CSMD3: variants seen among roughly 807,000 people sequenced by gnomAD.
CSMD3 encodes CUB and Sushi multiple domains 3.
In CSMD3, 177 loss-of-function variants were observed where a neutral mutation model predicts 435.2. The ratio of observed to expected loss-of-function variants is 0.41; its 90% CI spans 0.36 to 0.46. The LOEUF is 0.46. Among genes scored for constraint, CSMD3 ranks in the 20% least tolerant of loss-of-function variants. The probability of loss-of-function intolerance (pLI) is 0.34; values close to 1 mark genes in which losing one functional copy is unlikely to be tolerated. For missense variants in CSMD3, 4,265 were observed against 4,504.6 expected (o/e 0.95, Z 1.52); for synonymous variants, 1,656 against 1,520.5 (o/e 1.09, Z -2.07).
rs2084833260 is a variant in CSMD3 at position 112,975,999 on chromosome 8, G to A, written c.1180C>T (p.Gln394Ter). The A allele has an allele frequency of 1.2e-6, 2 of 1,614,008 alleles. No homozygotes were observed. Among genetic ancestry groups the A allele is most frequent in the Non-Finnish European group, 1.7e-6 (2 of 1,179,936 alleles). Residue 394 changes from glutamine (Q) to a stop codon, truncating the protein, a stop_gained, in exon 7 of 71, where the codon CAG (glutamine) becomes TAG (stop). Coordinates refer to ENST00000297405, the MANE Select transcript of CSMD3 (RefSeq NM_198123.2). LOFTEE classifies it high-confidence loss of function. ...CTGAGACTCGTAACTTGCACTCGCTGTTCCTCGGAAAGTCTATGGATGGTG... is the reference window on the plus strand; with the variant it reads ...CTGAGACTCGTAACTTGCACTCGCTATTCCTCGGAAAGTCTATGGATGGTG... ...AVTIHRLSEE[Q>*]RVQVTSLRNS...
At chr8:112,400,173 G>A (rs1424952691) in intron 35 of CSMD3, among the ~76,000 whole-genome samples, 2 of 152,188 alleles carry the variant, frequency 1.3e-5, no homozygotes, top group African/African-American at 4.8e-5. Flanking sequence ...ATTTCTTATA[G>A]TTGTAAAGGC....
intron 17 of CSMD3, among the ~76,000 whole-genome samples, chr8:112,657,407 G>T (rs2075282869): frequency 1.3e-5 from 2 of 152,098 alleles, no homozygotes. Context: ...AATTACAAAA[G>T]TAGGCATCAA....
At chr8:112,779,923 C>A (rs1453482276) in intron 13 of CSMD3, among the ~76,000 whole-genome samples, 1 of 152,026 alleles carries the variant, frequency 6.6e-6, no homozygotes, top group Non-Finnish European at 1.5e-5. Context: ...CTTCTACTTA[C>A]AGTAAATAAG....
intron 22 of CSMD3, among the ~76,000 whole-genome samples, chr8:112,630,825 A>G (rs1459234008): frequency 6.6e-6 from 1 of 152,016 alleles, no homozygotes; most frequent in Admixed American, 6.6e-5. Context: ...TGTAAAGTCA[A>G]TGTGCTTGTG....
intron 28 of CSMD3, among the ~76,000 whole-genome samples, chr8:112,510,129 G>A (rs371412279): frequency 2.1e-4 from 32 of 152,044 alleles, no homozygotes; most frequent in African/African-American, 6.5e-4. Context: ...ATTTTCAACC[G>A]GTCCTTCTTT....
intron 32 of CSMD3, among the ~76,000 whole-genome samples, chr8:112,430,277 G>C (rs868722179): frequency 1.3e-5 from 2 of 152,022 alleles, no homozygotes; most frequent in African/African-American, 2.4e-5. Flanking sequence ...AACAGATTAA[G>C]TGGGAAAAAA....
chr8:113,191,697 T>C (rs1391335450), intron 3 of CSMD3, among the ~76,000 whole-genome samples: 1 of 151,882 alleles, frequency 6.6e-6, no homozygotes, highest in Non-Finnish European at 1.5e-5. Flanking sequence ...TCTTTCCTAT[T>C]GTGAATAGTG....
rs146250086 is a variant in CSMD3, at chr8:113,081,798, C to T, written c.917+16958G>A. ...CCAGCAGTATAGCTGTAACCTAGCA[C>T]CTCAGACCACATAGTACCCCTATAC... On this transcript the variant is annotated intron_variant, in intron 5 of 70. Coordinates refer to ENST00000297405, the MANE Select transcript of CSMD3 (RefSeq NM_198123.2). Among the ~76,000 whole-genome samples, 212 of 152,242 alleles carry T rather than the reference C, an allele frequency of 1.4e-3. 1 individual carries two copies. Among genetic ancestry groups the T allele is most frequent in the African/African-American group, 5.1e-3 (210 of 41,542 alleles).
intron 16 of CSMD3, among the ~76,000 whole-genome samples, chr8:112,672,451 G>C (rs2075680394): frequency 6.6e-6 from 1 of 152,014 alleles, no homozygotes; most frequent in African/African-American, 2.4e-5. Context: ...TTCCTGTATT[G>C]TACTTCTAAT....
chr8:113,323,155 C>A (rs1302280723), intron 1 of CSMD3, among the ~76,000 whole-genome samples: 1 of 152,158 alleles, frequency 6.6e-6, no homozygotes, highest in Non-Finnish European at 1.5e-5. Context: ...TAATCACTGT[C>A]TGAAATTATT....
At chr8:113,041,578 A>C (rs772930250) in intron 5 of CSMD3, among the ~76,000 whole-genome samples, 4 of 152,128 alleles carry the variant, frequency 2.6e-5, no homozygotes, top group Non-Finnish European at 4.4e-5. Flanking sequence ...AGGGATTTGG[A>C]ATAGCCTAAT....
chr8:113,169,660 C>T (rs1208742764), intron 4 of CSMD3, among the ~76,000 whole-genome samples: 1 of 152,108 alleles, frequency 6.6e-6, no homozygotes, highest in African/African-American at 2.4e-5. Context: ...CTTTTACATA[C>T]AATTCTATTA....
intron 2 of CSMD3, among the ~76,000 whole-genome samples, chr8:113,287,125 C>G (rs2093652522): frequency 6.6e-6 from 1 of 152,018 alleles, no homozygotes; most frequent in African/African-American, 2.4e-5. Flanking sequence ...GTGACTCAAA[C>G]TCCATTGCCC....
intron 3 of CSMD3, among the ~76,000 whole-genome samples, chr8:113,189,486 T>C (rs541071419): frequency 7.2e-5 from 11 of 151,792 alleles, no homozygotes; most frequent in Non-Finnish European, 1.5e-4. Flanking sequence ...AATATGAATT[T>C]AAGTGAGAAT....
intron 4 of CSMD3, among the ~76,000 whole-genome samples, chr8:113,116,482 A>G (rs2090832594): frequency 6.6e-6 from 1 of 152,072 alleles, no homozygotes; most frequent in Non-Finnish European, 1.5e-5. Context: ...TCCTTTGTTA[A>G]TTACTCAGTC....
intron 56 of CSMD3, 89 bp downstream of exon 56, chr8:112,291,421 T>C (rs1819750588): frequency 1.1e-6 from 1 of 911,338 alleles, no homozygotes; most frequent in Non-Finnish European, 1.8e-6. Context: ...CTCTGTGATA[T>C]ATATCTTTAG....
chr8:112,376,732 C>T (rs1492670), intron 38 of CSMD3, among the ~76,000 whole-genome samples: 64,062 of 151,912 alleles, frequency 0.42, 14,271 homozygotes, highest in Middle Eastern at 0.54. Flanking sequence ...CATTATATGT[C>T]CATTATCTTC....
At chr8:113,268,167 T>A (rs544517432) in intron 3 of CSMD3, among the ~76,000 whole-genome samples, 1 of 151,954 alleles carries the variant, frequency 6.6e-6, no homozygotes, top group Admixed American at 6.6e-5. Flanking sequence ...ATAACTTTTA[T>A]CAGAAACTAG....
intron 13 of CSMD3, among the ~76,000 whole-genome samples, chr8:112,796,369 G>C (rs1206147026): frequency 1.3e-5 from 2 of 152,038 alleles, no homozygotes; most frequent in African/African-American, 4.8e-5. Context: ...AAACAAAGCA[G>C]ACCAAACTTC....
Sources: allele counts gnomAD v4.1 joint callset (sites outside exome capture counted in the v4.1 genomes callset), GRCh38; gene constraint gnomAD v4.1.1; transcripts MANE v1.5; gene names NCBI Gene and HGNC (gene_info 2026-07-23, HGNC 2026-07-21).